Variants in SMOC2 observed in about 807,000 individuals in gnomAD.
The protein encoded by SMOC2 is SPARC related modular calcium binding 2.
Under a neutral mutation model 61.4 loss-of-function variants are expected in SMOC2, and 39 were observed. The observed-to-expected ratio is 0.64, with a 90% confidence interval of 0.49 to 0.83. The LOEUF (loss-of-function observed/expected upper bound fraction) is 0.83. SMOC2 is among the 40% of genes least tolerant of loss of function. SMOC2 has a pLI of 0.00. For synonymous variants in SMOC2, 247 were observed against 239.9 expected (o/e 1.03, Z -0.27); for missense variants, 556 against 592.9 (o/e 0.94, Z 0.65).
chr6:168,599,418 A>ACCC (rs528633537), intron 8 of SMOC2, among the ~76,000 whole-genome samples: 2 of 57,988 alleles, frequency 3.4e-5, no homozygotes, highest in African/African-American at 1.3e-4. Flanking sequence ...ACACATTCAT[A>ACCC]CCCCCCACAC....
At chr6:168,611,516 G>A (rs1368376663) in intron 9 of SMOC2, among the ~76,000 whole-genome samples, 1 of 99,324 alleles carries the variant, frequency 1.0e-5, no homozygotes. Context: ...GGGCCTGGCC[G>A]TGGCTCCCAT....
intron 2 of SMOC2, among the ~76,000 whole-genome samples, chr6:168,518,619 G>T (rs1420196654): frequency 1.1e-5 from 1 of 87,890 alleles, no homozygotes; most frequent in Non-Finnish European, 3.4e-5. Flanking sequence ...GTGCATGTAT[G>T]ACTGAGTGCA....
chr6:168,617,434 G>A (rs757496470), intron 9 of SMOC2, among the ~76,000 whole-genome samples: 18 of 152,072 alleles, frequency 1.2e-4, no homozygotes, highest in Non-Finnish European at 2.2e-4. Flanking sequence ...TCTCCCAGGG[G>A]CCCAGGGCAC....
chr6:168,482,029 TA>T (rs1782218054), intron 1 of SMOC2, among the ~76,000 whole-genome samples: 1 of 151,334 alleles, frequency 6.6e-6, no homozygotes. Context: ...AGGAACTACA[TA>T]ATAAAGATGA....
At position 168,639,877 on chromosome 6, in the gene SMOC2, C is replaced by T. The variant is rs375508884; in HGVS notation, c.908-10804C>T. ...CCTGTTTGAATCCCTGGTGTGACCC[C>T]GGGATGCTAGAATGGGGCCAGCCAC... is the stretch of plus-strand genomic sequence containing the variant. On this transcript the variant is annotated intron_variant, in intron 9 of 12. Coordinates refer to ENST00000356284, the MANE Select transcript of SMOC2 (RefSeq NM_001166412.2). Among the ~76,000 whole-genome samples, 35 of 152,320 alleles carry T rather than the reference C, an allele frequency of 2.3e-4. No homozygotes were observed. In the East Asian group the frequency reaches 5.6e-3, roughly 24 times the overall value.
intron 1 of SMOC2, among the ~76,000 whole-genome samples, chr6:168,457,656 C>T (rs1164101485): frequency 1.3e-5 from 2 of 152,152 alleles, no homozygotes; most frequent in South Asian, 2.1e-4. Context: ...GCTGCAGCCC[C>T]GGCCCAGACC....
At chr6:168,464,570 T>TC (rs1781787047) in intron 1 of SMOC2, among the ~76,000 whole-genome samples, 1 of 151,920 alleles carries the variant, frequency 6.6e-6, no homozygotes, top group South Asian at 2.1e-4. Flanking sequence ...TTTTCATTTT[T>TC]TTTTTTTAAC....
At chr6:168,532,549 T>A (rs4708473) in intron 4 of SMOC2, among the ~76,000 whole-genome samples, 133,111 of 152,164 alleles carry the variant, frequency 0.87, 59,585 homozygotes, top group East Asian at 0.99. Context: ...AGTATTTGGA[T>A]ATAGCTTCAG....
At chr6:168,599,192 C>G (rs13220174) in intron 8 of SMOC2, among the ~76,000 whole-genome samples, 188 bp downstream of exon 8, 1 of 57,334 alleles carries the variant, frequency 1.7e-5, no homozygotes, top group Non-Finnish European at 4.4e-5. Flanking sequence ...CACACACACT[C>G]ATACCACACA....
intron 8 of SMOC2, among the ~76,000 whole-genome samples, chr6:168,600,162 G>A (rs1183442921): frequency 1.3e-5 from 2 of 152,056 alleles, no homozygotes; most frequent in East Asian, 1.9e-4. Flanking sequence ...TCCCAGAACC[G>A]TGGGAGGCCG....
chr6:168,581,854 C>A (rs112397345), intron 7 of SMOC2, among the ~76,000 whole-genome samples: 1 of 152,088 alleles, frequency 6.6e-6, no homozygotes, highest in Non-Finnish European at 1.5e-5. Flanking sequence ...ACACATGGGG[C>A]CTGCACTCAG....
intron 1 of SMOC2, among the ~76,000 whole-genome samples, chr6:168,465,852 C>T (rs1374660137): frequency 1.5e-4 from 17 of 116,238 alleles, no homozygotes; most frequent in African/African-American, 5.8e-4. Flanking sequence ...CTGGATGAAG[C>T]GACGTGCTGC....
At chr6:168,590,668 A>C (rs574654000) in intron 7 of SMOC2, among the ~76,000 whole-genome samples, 1 of 152,220 alleles carries the variant, frequency 6.6e-6, no homozygotes, top group Admixed American at 6.5e-5. Flanking sequence ...TTTAGAATGC[A>C]TGTGATTCGT....
chr6:168,509,240 A>G (rs1782950630), intron 1 of SMOC2, among the ~76,000 whole-genome samples: 1 of 152,244 alleles, frequency 6.6e-6, no homozygotes, highest in Non-Finnish European at 1.5e-5. Flanking sequence ...ACACATGGCC[A>G]TTAGGTGATT....
At chr6:168,574,827 AAGCACCACTT>A (rs1430531788) in intron 7 of SMOC2, among the ~76,000 whole-genome samples, 2 of 152,022 alleles carry the variant, frequency 1.3e-5, no homozygotes, top group Non-Finnish European at 2.9e-5. Context: ...GTCAAAACAA[AAGCACCACTT>A]AGGCACAGAG....
intron 7 of SMOC2, among the ~76,000 whole-genome samples, chr6:168,560,714 G>A (rs376109757): frequency 2.0e-3 from 1 of 492 alleles, no homozygotes; most frequent in Admixed American, 7.0e-3. Context: ...CCTGAGACAC[G>A]AGGCTCTCAC....
chr6:168,468,996 T>C (rs1781908908), intron 1 of SMOC2, among the ~76,000 whole-genome samples: 1 of 152,258 alleles, frequency 6.6e-6, no homozygotes, highest in East Asian at 1.9e-4. Context: ...TGATACAAGC[T>C]GGCATTTTGG....
At chr6:168,468,566 G>A (rs768025976) in intron 1 of SMOC2, among the ~76,000 whole-genome samples, 5 of 152,266 alleles carry the variant, frequency 3.3e-5, no homozygotes, top group South Asian at 2.1e-4. Context: ...ACTGAGTCTC[G>A]CTTTACCGCC....
intron 7 of SMOC2, among the ~76,000 whole-genome samples, chr6:168,568,864 G>A (rs570399037): frequency 7.9e-5 from 12 of 152,260 alleles, no homozygotes; most frequent in South Asian, 4.1e-4. Flanking sequence ...AGGTTCCCCC[G>A]TGTCTTTTCG....
Sources: allele counts gnomAD v4.1 joint callset (sites outside exome capture counted in the v4.1 genomes callset), GRCh38; gene constraint gnomAD v4.1.1; transcripts MANE v1.5; gene names NCBI Gene and HGNC (gene_info 2026-07-23, HGNC 2026-07-21).